Variants in RNF144B observed in about 807,000 individuals in gnomAD.
RNF144B encodes E3 ubiquitin-protein ligase RNF144B.
Under a neutral mutation model 40.2 loss-of-function variants are expected in RNF144B, and 25 were observed. The observed-to-expected ratio is 0.62, with a 90% CI of 0.45 to 0.87. RNF144B has a LOEUF of 0.87. Among genes scored for constraint, RNF144B ranks in the 40% least tolerant of loss-of-function variants. The pLI is 0.00. For synonymous variants in RNF144B, 145 were observed against 136.3 expected, an observed-to-expected ratio of 1.06 and a Z score of -0.44; for missense variants, 365 against 373.7, an observed-to-expected ratio of 0.98 and a Z score of 0.19.
intron 2 of RNF144B, among the ~76,000 whole-genome samples, chr6:18,417,405 C>A (rs1795165186): frequency 1.3e-5 from 2 of 152,040 alleles, no homozygotes; most frequent in Non-Finnish European, 2.9e-5. Context: ...AATTGAGAGT[C>A]CATAAATAAA....
intron 3 of RNF144B, among the ~76,000 whole-genome samples, chr6:18,429,831 G>A (rs918384988): frequency 1.3e-5 from 2 of 152,190 alleles, no homozygotes; most frequent in Non-Finnish European, 2.9e-5. Context: ...AAAGACCACA[G>A]TGTGTGCCTG....
Position 18,439,745 on chromosome 6 carries a change from G to T in RNF144B, c.331+1G>T. 6.3e-7 allele frequency: 1 copy of T among 1,594,912 alleles called. No individual in the cohort carries two copies. Among genetic ancestry groups the T allele is most frequent in the East Asian group, 2.2e-5 (1 of 44,722 alleles). On this transcript the variant is annotated splice_donor_variant, in intron 4 of 7. Coordinates refer to ENST00000259939, the MANE Select transcript of RNF144B (RefSeq NM_182757.4). LOFTEE classifies it high-confidence loss of function. ...TATCAGAGGTTAAAATTTGAAAGAG[G>T]TATGAACTCTTCTTTTTTTCCTGAT...
chr6:18,439,389 CT>C lies in RNF144B; in HGVS notation c.271-294del, dbSNP rs540235106. Among the ~76,000 whole-genome samples the C allele has an allele frequency of 6.6e-5, 10 of 152,130 alleles. 1 individual carries two copies. Among genetic ancestry groups the C allele is most frequent in the African/African-American group, 2.2e-4 (9 of 41,482 alleles). ...GGAATATGAATAATTTTAGAAGTCCCTGTAATAAAATTTTGTTGTCTGGTCT... is the reference window on the plus strand; with the variant it reads ...GGAATATGAATAATTTTAGAAGTCCCGTAATAAAATTTTGTTGTCTGGTCT... On this transcript the variant is annotated intron_variant, in intron 3 of 7. Coordinates refer to ENST00000259939, the MANE Select transcript of RNF144B (RefSeq NM_182757.4).
chr6:18,393,253 T>C (rs1794623360), intron 1 of RNF144B, among the ~76,000 whole-genome samples: 1 of 152,244 alleles, frequency 6.6e-6, no homozygotes, highest in South Asian at 2.1e-4. Context: ...TAGAACTGTT[T>C]TTCTGATTGA....
chr6:18,407,359 T>C (rs2147215), intron 2 of RNF144B, among the ~76,000 whole-genome samples: 21,597 of 152,180 alleles, frequency 0.14, 1,702 homozygotes, highest in Middle Eastern at 0.2. Flanking sequence ...CTTTGGGCAG[T>C]CTATTGGGTC....
chr6:18,438,766 G>A (rs533267711), intron 3 of RNF144B, among the ~76,000 whole-genome samples: 1 of 152,246 alleles, frequency 6.6e-6, no homozygotes, highest in East Asian at 1.9e-4. Context: ...TTTAGAGTTG[G>A]AGTTGTCAGG....
intron 2 of RNF144B, among the ~76,000 whole-genome samples, chr6:18,424,197 T>C (rs545136752): frequency 1.7e-4 from 26 of 152,206 alleles, no homozygotes; most frequent in Non-Finnish European, 3.4e-4. Context: ...TTGCACTTTT[T>C]AGCCAGAGAT....
In RNF144B at chr6:18,398,976, A is replaced by T. The variant is rs914898864; in HGVS notation, c.-36-523A>T. Among the ~76,000 whole-genome samples, 2 of 152,222 alleles carry T rather than the reference A, an allele frequency of 1.3e-5. No individual in the cohort carries two copies. The highest frequency in any genetic ancestry group is 4.8e-5 in the African/African-American group (2 of 41,440). On this transcript the variant is annotated intron_variant, in intron 1 of 7. Transcript: ENST00000259939. The surrounding 1 kb of genome is among the most constrained non-coding windows in gnomAD (Gnocchi z 5.0). Reference sequence around the variant, plus strand: ...CGCCCCTGACCTTCATTAAGGTATAATTGACAAATTACATTTGCAGTATAC... The same window carrying T: ...CGCCCCTGACCTTCATTAAGGTATATTTGACAAATTACATTTGCAGTATAC...
chr6:18,445,840 G>A (rs1318504413), intron 4 of RNF144B, among the ~76,000 whole-genome samples: 1 of 152,142 alleles, frequency 6.6e-6, no homozygotes, highest in Non-Finnish European at 1.5e-5. Context: ...GAGGGCAACC[G>A]GACCTTAAAC....
In RNF144B at chr6:18,447,487, C is replaced by T. The variant is rs150907323; in HGVS notation, c.331+7743C>T. Reference sequence around the variant, plus strand: ...TGGAGGGTTTGGATCAGGGGAATGTCGTGAAATGATTTCCATTTTAGAAGA... The same window carrying T: ...TGGAGGGTTTGGATCAGGGGAATGTTGTGAAATGATTTCCATTTTAGAAGA... On this transcript the variant is annotated intron_variant, in intron 4 of 7. Coordinates refer to ENST00000259939, the MANE Select transcript of RNF144B (RefSeq NM_182757.4). The surrounding 1 kb of genome is among the most constrained non-coding windows in gnomAD (Gnocchi z 5.6). 5.9e-5 allele frequency among the ~76,000 whole-genome samples: 9 copies of T among 152,216 alleles called. No homozygotes were observed. The highest frequency in any genetic ancestry group is 1.9e-4 in the African/African-American group (8 of 41,520).
chr6:18,457,424 C>A lies in RNF144B; in HGVS notation c.536+65C>A. On this transcript the variant is annotated intron_variant, in intron 5 of 7. Transcript: ENST00000259939. The surrounding 1 kb of genome is among the most constrained non-coding windows in gnomAD (Gnocchi z 5.1). ...TTTCTTAGAAATTCAACATACCTTA[C>A]GTGTAGAAGGAGTTACGTTGTGATG... 4 of 1,213,546 alleles carry A rather than the reference C, an allele frequency of 3.3e-6. No individual in the cohort carries two copies. Among genetic ancestry groups the A allele is most frequent in the South Asian group, 1.2e-5 (1 of 82,686 alleles). The allele number at this position is 1,213,546 out of a possible 1,614,324, so 75.2% of individuals were successfully genotyped here. A position where few individuals can be genotyped will look rare whatever the true frequency, so the allele number is the denominator to read the frequency against.
rs951217890 is a variant in RNF144B at position 18,400,234 on chromosome 6, C to T, written c.165+535C>T. ...CTTGCAGTGAGCCGAGATCAGGCCA[C>T]TGCACTCCAGCCTGGGCGACAGAGC... On this transcript the variant is annotated intron_variant, in intron 2 of 7. Transcript: ENST00000259939. The surrounding 1 kb of genome is among the most constrained non-coding windows in gnomAD (Gnocchi z 5.6). Among the ~76,000 whole-genome samples, 21 of 150,026 alleles carry T rather than the reference C, an allele frequency of 1.4e-4. No homozygotes were observed. The highest frequency in any genetic ancestry group is 4.7e-4 in the Admixed American group (7 of 15,046).
intron 6 of RNF144B, among the ~76,000 whole-genome samples, chr6:18,461,355 A>G (rs1759450641): frequency 6.6e-6 from 1 of 152,196 alleles, no homozygotes; most frequent in Non-Finnish European, 1.5e-5. Flanking sequence ...GATATTCTGG[A>G]TGAGGATTTT....
In RNF144B at chr6:18,416,985, C is replaced by A. The variant is rs1030230295; in HGVS notation, c.166-10596C>A. Reference sequence around the variant, plus strand: ...ATACTAGTAAGAAATAATATAATTGCATTAATAAGAAAATAATTCCATTTA... The same window carrying A: ...ATACTAGTAAGAAATAATATAATTGAATTAATAAGAAAATAATTCCATTTA... On this transcript the variant is annotated intron_variant, in intron 2 of 7. Coordinates refer to ENST00000259939, the MANE Select transcript of RNF144B (RefSeq NM_182757.4). The surrounding 1 kb of genome is among the most constrained non-coding windows in gnomAD (Gnocchi z 5.5). Among the ~76,000 whole-genome samples, 1 of 151,902 alleles carries A rather than the reference C, an allele frequency of 6.6e-6. No individual in the cohort carries two copies. The highest frequency in any genetic ancestry group is 2.4e-5 in the African/African-American group (1 of 41,340).
chr6:18,409,699 T>A (rs1010146467), intron 2 of RNF144B, among the ~76,000 whole-genome samples: 2 of 151,476 alleles, frequency 1.3e-5, no homozygotes, highest in Non-Finnish European at 2.9e-5. Context: ...GCCTCCTGAG[T>A]AGCTGGGATT....
In RNF144B at chr6:18,405,709, T is replaced by C. The variant is rs992199537; in HGVS notation, c.165+6010T>C. On this transcript the variant is annotated intron_variant, in intron 2 of 7. Transcript: ENST00000259939. The surrounding 1 kb of genome is among the most constrained non-coding windows in gnomAD (Gnocchi z 4.5). The stretch of plus-strand genomic sequence containing the variant: ...ACAACGGAGCCACTGCAGGGTCAGA[T>C]GGCATCTGTGGAAAAAGAGCAAACA... 1.3e-5 allele frequency among the ~76,000 whole-genome samples: 2 copies of C among 152,230 alleles called. No homozygotes were observed. The highest frequency in any genetic ancestry group is 2.9e-5 in the Non-Finnish European group (2 of 68,030).
chr6:18,418,574 T>A lies in RNF144B; in HGVS notation c.166-9007T>A, dbSNP rs547775657. Among the ~76,000 whole-genome samples the A allele has an allele frequency of 1.1e-4, 17 of 152,206 alleles. No homozygotes were observed. Among genetic ancestry groups the A allele is most frequent in the African/African-American group, 4.1e-4 (17 of 41,542 alleles). On this transcript the variant is annotated intron_variant, in intron 2 of 7. Coordinates refer to ENST00000259939, the MANE Select transcript of RNF144B (RefSeq NM_182757.4). The surrounding 1 kb of genome is among the most constrained non-coding windows in gnomAD (Gnocchi z 5.2). ...TCCCTAGGGCTGTGCATGGAGGATCTGGGGGAGAAATGGGGAGCATGTACT... is the reference window on the plus strand; with the variant it reads ...TCCCTAGGGCTGTGCATGGAGGATCAGGGGGAGAAATGGGGAGCATGTACT...
At chr6:18,452,100 A>G (rs1438366161) in intron 4 of RNF144B, among the ~76,000 whole-genome samples, 1 of 152,240 alleles carries the variant, frequency 6.6e-6, no homozygotes, top group Non-Finnish European at 1.5e-5. Context: ...TTCCAATACA[A>G]GGCAATTCAA....
intron 3 of RNF144B, among the ~76,000 whole-genome samples, chr6:18,433,859 G>C (rs12528119): frequency 4.6e-5 from 7 of 152,150 alleles, no homozygotes; most frequent in East Asian, 1.9e-4. Flanking sequence ...AGCAGCTCTC[G>C]TTCTCTGCGT....
Sources: gnomAD v4.1 joint callset for allele counts (sites outside exome capture counted in the v4.1 genomes callset) on GRCh38, gnomAD v4.1.1 for gene constraint, Gnocchi (gnomAD v3.1) non-coding constraint, MANE v1.5 for transcripts, NCBI Gene and HGNC (gene_info 2026-07-23, HGNC 2026-07-21) for gene names.